RAB11FIP4: variants seen among roughly 807,000 people sequenced by gnomAD.
RAB11FIP4 encodes the protein rab11 family-interacting protein 4.
RAB11FIP4 carries 23 observed loss-of-function variants against 74.3 expected under a neutral mutation model. The observed-to-expected ratio is 0.31, with a 90% CI of 0.22 to 0.44. The LOEUF (loss-of-function observed/expected upper bound fraction) is 0.44, where lower values mean the gene tolerates loss of function less well. RAB11FIP4 is among the 20% of genes least tolerant of loss of function. RAB11FIP4 has a pLI of 1.00. For synonymous variants in RAB11FIP4, 360 were observed against 359.9 expected (o/e 1.00, Z 0.00); for missense variants, 630 against 863.9 (o/e 0.73, Z 3.39).
At position 31,432,881 on chromosome 17, in the gene RAB11FIP4, T is replaced by C. The variant is rs189124026; in HGVS notation, c.247+981T>C. On this transcript the variant is annotated intron_variant, in intron 2 of 14. Transcript: ENST00000621161. ...GCTCACACCTATAGTCTCAGCACTT[T>C]TTGGGAGGCCGAGGCAGGCGGATTG... is the stretch of plus-strand genomic sequence containing the variant. Among the ~76,000 whole-genome samples the C allele has an allele frequency of 2.0e-5, 3 of 152,234 alleles. No homozygotes were observed. The East Asian group carries it at 5.8e-4, about 29-fold the overall frequency.
chr17:31,457,944 A>G (rs1374107124), intron 3 of RAB11FIP4, among the ~76,000 whole-genome samples: 1 of 152,106 alleles, frequency 6.6e-6, no homozygotes, highest in Non-Finnish European at 1.5e-5. Flanking sequence ...GGAACCTTCC[A>G]GTCTGACCCA....
At position 31,532,162 on chromosome 17, in the gene RAB11FIP4, A is replaced by G. The variant is rs532528938; in HGVS notation, c.*430A>G. On this transcript the variant is annotated 3_prime_UTR_variant, in exon 15 of 15. Coordinates refer to ENST00000621161, the MANE Select transcript of RAB11FIP4 (RefSeq NM_032932.6). ...TAGTCCCCTTGGGAGTGGGAGCAAA[A>G]TTGTGATCTTTCCTAGGAGTTTGAA... 1.7e-3 allele frequency: 270 copies of G among 162,196 alleles called. No homozygotes were observed. Among genetic ancestry groups the G allele is most frequent in the African/African-American group, 6.3e-3 (264 of 41,822 alleles). 10.0% of individuals were successfully genotyped at this position (162,196 alleles called of 1,614,324 possible).
chr17:31,445,680 G>A (rs2071457189), intron 3 of RAB11FIP4, among the ~76,000 whole-genome samples: 1 of 146,750 alleles, frequency 6.8e-6, no homozygotes, highest in South Asian at 2.2e-4. Context: ...CCGCCTCCTG[G>A]GTTCAAACGA....
chr17:31,520,321 C>T (rs956710616), intron 4 of RAB11FIP4, among the ~76,000 whole-genome samples: 1 of 151,964 alleles, frequency 6.6e-6, no homozygotes, highest in Admixed American at 6.6e-5. Flanking sequence ...CTCTTGGATG[C>T]CAAGGGATGA....
At chr17:31,502,594 A>T (rs1170186542) in intron 3 of RAB11FIP4, among the ~76,000 whole-genome samples, 1 of 152,162 alleles carries the variant, frequency 6.6e-6, no homozygotes, top group Non-Finnish European at 1.5e-5. Flanking sequence ...ATAAAAAAAT[A>T]AAGGTTGAAT....
Position 31,525,245 on chromosome 17 carries a change from CGA to C in RAB11FIP4, c.1274+17_1274+18del, listed in dbSNP as rs1567693299. On this transcript the variant is annotated intron_variant, in intron 10 of 14. Coordinates refer to ENST00000621161, the MANE Select transcript of RAB11FIP4 (RefSeq NM_032932.6). ...CTCAATGCCAGGTGGGCCCCTCCAC[CGA>C]GCCCCCTCCCTCAGAGGGACCCCCT... 1 of 1,537,844 alleles carries C rather than the reference CGA, an allele frequency of 6.5e-7. No homozygotes were observed. The highest frequency in any genetic ancestry group is 2.0e-5 in the Admixed American group (1 of 49,800).
In RAB11FIP4 at chr17:31,482,102, C is replaced by T. The variant is rs80148982; in HGVS notation, c.337-35549C>T. Among the ~76,000 whole-genome samples the T allele has an allele frequency of 1.4e-4, 21 of 152,294 alleles. No individual in the cohort carries two copies. In the East Asian group the frequency reaches 4.1e-3, roughly 29 times the overall value. On this transcript the variant is annotated intron_variant, in intron 3 of 14. Coordinates refer to ENST00000621161, the MANE Select transcript of RAB11FIP4 (RefSeq NM_032932.6). ...TGTGCTGTCCAGCTAAAAGCTCTTCCAGGGGAGGAGTCTGAGGCCCAAAAA... is the reference window on the plus strand; with the variant it reads ...TGTGCTGTCCAGCTAAAAGCTCTTCTAGGGGAGGAGTCTGAGGCCCAAAAA...
In RAB11FIP4 at chr17:31,537,642, G is replaced by C. The variant is rs1597996339; in HGVS notation, c.*5910G>C. 2 of 156,766 alleles carry C rather than the reference G, an allele frequency of 1.3e-5. No individual in the cohort carries two copies. The highest frequency in any genetic ancestry group is 3.7e-4 in the East Asian group (2 of 5,420). The allele number at this position is 156,766 out of a possible 1,614,324, so 9.7% of individuals were successfully genotyped here. On this transcript the variant is annotated 3_prime_UTR_variant, in exon 15 of 15. Coordinates refer to ENST00000621161, the MANE Select transcript of RAB11FIP4 (RefSeq NM_032932.6). ...CATGGTTCCTGGTGCACGGCCACAG[G>C]CCTGCCTTGAGGCCACCACATCTGG...
At chr17:31,426,303 G>A (rs2071249091) in intron 1 of RAB11FIP4, among the ~76,000 whole-genome samples, 2 of 152,278 alleles carry the variant, frequency 1.3e-5, no homozygotes, top group African/African-American at 4.8e-5. Context: ...TAAAAGGGGA[G>A]CGTTACCACT....
At chr17:31,411,130 G>A (rs754706153) in intron 1 of RAB11FIP4, among the ~76,000 whole-genome samples, 3 of 152,190 alleles carry the variant, frequency 2.0e-5, no homozygotes, top group South Asian at 2.1e-4. Flanking sequence ...TTGGGAGGCC[G>A]AGGCGGGTGG....
chr17:31,531,582 C>G (rs1396961812), intron 14 of RAB11FIP4, 34 bp from the exon 15 acceptor site: 1 of 1,457,460 alleles, frequency 6.9e-7, no homozygotes, highest in Non-Finnish European at 9.6e-7. Context: ...TATCCCAGGC[C>G]CAGCCACTGA....
intron 3 of RAB11FIP4, among the ~76,000 whole-genome samples, chr17:31,502,004 A>G (rs2142771345): frequency 6.6e-6 from 1 of 152,170 alleles, no homozygotes; most frequent in East Asian, 1.9e-4. Context: ...TGGCTGCATC[A>G]CTTGAGGCCA....
chr17:31,410,648 T>C (rs1200006166), intron 1 of RAB11FIP4, among the ~76,000 whole-genome samples: 1 of 152,128 alleles, frequency 6.6e-6, no homozygotes, highest in Non-Finnish European at 1.5e-5. Context: ...TGTCACACCC[T>C]TGGAGGGGCT....
At chr17:31,524,159 C>G (rs2072722199) in intron 9 of RAB11FIP4, 163 bp downstream of exon 9, 1 of 617,142 alleles carries the variant, frequency 1.6e-6, no homozygotes, top group African/African-American at 1.8e-5. Flanking sequence ...CATGTGGTGC[C>G]CAGGACAGGA....
At chr17:31,474,875 C>CAAAA (rs3058693) in intron 3 of RAB11FIP4, among the ~76,000 whole-genome samples, 2 of 143,600 alleles carry the variant, frequency 1.4e-5, no homozygotes, top group African/African-American at 5.3e-5. Flanking sequence ...CAAAACAAAA[C>CAAAA]AAAAAACAAA....
intron 3 of RAB11FIP4, among the ~76,000 whole-genome samples, chr17:31,505,227 G>T (rs74644367): frequency 6.6e-6 from 1 of 150,772 alleles, no homozygotes; most frequent in Non-Finnish European, 1.5e-5. Flanking sequence ...TCTGTAGGGT[G>T]ATTCTTCGGT....
chr17:31,422,455 C>G (rs562321079), intron 1 of RAB11FIP4, among the ~76,000 whole-genome samples: 1 of 152,308 alleles, frequency 6.6e-6, no homozygotes, highest in Admixed American at 6.5e-5. Context: ...AAGTCTCCAA[C>G]TATGATTGTC....
Position 31,523,930 on chromosome 17 carries a change from ATGACAGCC to A in RAB11FIP4, c.1072_1079del (p.Ser358GlnfsTer21), listed in dbSNP as rs1567692205. The A allele has an allele frequency of 1.2e-6, 2 of 1,612,422 alleles. No individual in the cohort carries two copies. Among genetic ancestry groups the A allele is most frequent in the African/African-American group, 2.7e-5 (2 of 74,884 alleles). The stretch of plus-strand genomic sequence containing the variant: ...GAAAAGAAGGTGACAGAGCTGGAGA[ATGACAGCC>A]TGACCAATGGGGACCTGAAGAGCAA... On this transcript the variant is annotated frameshift_variant, in exon 9 of 15. Coordinates refer to ENST00000621161, the MANE Select transcript of RAB11FIP4 (RefSeq NM_032932.6). LOFTEE classifies it high-confidence loss of function.
chr17:31,433,984 A>G, intron 2 of RAB11FIP4, 50 bp from the exon 3 acceptor site: 1 of 1,515,118 alleles, frequency 6.6e-7, no homozygotes, highest in Non-Finnish European at 8.9e-7. Context: ...CAGCCGTCCC[A>G]GGCTGAGGCT....
Sources: gnomAD v4.1 joint callset for allele counts (sites outside exome capture counted in the v4.1 genomes callset) on GRCh38, gnomAD v4.1.1 for gene constraint, MANE v1.5 for transcripts, NCBI Gene and HGNC (gene_info 2026-07-23, HGNC 2026-07-21) for gene names.